ZNF385D: variants seen among roughly 807,000 people sequenced by gnomAD.
ZNF385D encodes zinc finger protein 385D, also known as zinc finger protein 659.
ZNF385D carries 15 observed loss-of-function variants against 35.8 expected under a neutral mutation model. That is an observed-to-expected ratio of 0.42 (90% CI 0.28 to 0.64). The LOEUF is 0.64. ZNF385D is among the 30% of genes least tolerant of loss of function. The pLI is 0.23. For missense variants in ZNF385D, 474 were observed against 494.6 expected, an observed-to-expected ratio of 0.96 and a Z score of 0.39; for synonymous variants, 212 against 186.8, an observed-to-expected ratio of 1.13 and a Z score of -1.10.
chr3:22,120,974 C>G (rs1460780067), intron 3 of ZNF385D, among the ~76,000 whole-genome samples: 1 of 152,102 alleles, frequency 6.6e-6, no homozygotes. Flanking sequence ...TCTGACTAGA[C>G]CATATTCAAC....
intron 3 of ZNF385D, among the ~76,000 whole-genome samples, chr3:21,904,109 C>A (rs757257583): frequency 6.6e-6 from 1 of 151,766 alleles, no homozygotes; most frequent in Admixed American, 6.6e-5. Flanking sequence ...TTGAGACCAT[C>A]CTGGACAACA....
rs376669808 is a variant in ZNF385D at position 21,922,911 on chromosome 3, T to C, written c.325+245906A>G. On this transcript the variant is annotated intron_variant, in intron 3 of 5. Transcript: ENST00000494108. ...TGACCAAGGTCTAATATGGAATCTA[T>C]AGGGAACTTCAATAGCTGAACAAAC... 3.3e-5 allele frequency among the ~76,000 whole-genome samples: 5 copies of C among 152,172 alleles called. 1 individual carries two copies. The highest frequency in any genetic ancestry group is 4.1e-4 in the South Asian group (2 of 4,836).
At chr3:22,139,831 G>A (rs1704387296) in intron 3 of ZNF385D, among the ~76,000 whole-genome samples, 1 of 152,100 alleles carries the variant, frequency 6.6e-6, no homozygotes, top group South Asian at 2.1e-4. Flanking sequence ...CAAAACACAT[G>A]AGAAGATAAG....
chr3:22,353,229 CT>C (rs1695997927), intron 2 of ZNF385D, among the ~76,000 whole-genome samples: 1 of 152,000 alleles, frequency 6.6e-6, no homozygotes, highest in Admixed American at 6.6e-5. Context: ...GTAGGTCCCC[CT>C]ATTAGAAAAA....
chr3:21,466,264 T>C (rs143903105), intron 4 of ZNF385D, among the ~76,000 whole-genome samples: 1 of 152,314 alleles, frequency 6.6e-6, no homozygotes, highest in African/African-American at 2.4e-5. Flanking sequence ...AAGGGTTTGG[T>C]TCCTGCTTAA....
At chr3:22,019,799 C>T (rs910340327) in intron 3 of ZNF385D, among the ~76,000 whole-genome samples, 10 of 151,476 alleles carry the variant, frequency 6.6e-5, no homozygotes, top group Non-Finnish European at 1.3e-4. Flanking sequence ...AATGTGGGGC[C>T]CTTATTTGAA....
chr3:21,506,644 GC>G (rs1706795157), intron 4 of ZNF385D, among the ~76,000 whole-genome samples: 1 of 152,060 alleles, frequency 6.6e-6, no homozygotes, highest in Non-Finnish European at 1.5e-5. Flanking sequence ...AAAAACACTT[GC>G]TAGATTAGAC....
chr3:21,746,360 T>C (rs779736089), intron 1 of ZNF385D, among the ~76,000 whole-genome samples: 11 of 152,232 alleles, frequency 7.2e-5, no homozygotes, highest in Admixed American at 2.6e-4. Flanking sequence ...TCCATGTCAC[T>C]GGCATGTTGA....
At chr3:21,924,537 G>A (rs1247938401) in intron 3 of ZNF385D, among the ~76,000 whole-genome samples, 2 of 152,158 alleles carry the variant, frequency 1.3e-5, no homozygotes, top group African/African-American at 4.8e-5. Context: ...CACCATCCAT[G>A]CCACAAAAGG....
intron 3 of ZNF385D, among the ~76,000 whole-genome samples, chr3:21,761,516 TC>T (rs1002465642): frequency 6.6e-6 from 1 of 152,192 alleles, no homozygotes; most frequent in Non-Finnish European, 1.5e-5. Flanking sequence ...GGGGCTTGTT[TC>T]CTTACCCATG....
At chr3:22,367,387 G>A (rs1696703885) in intron 2 of ZNF385D, among the ~76,000 whole-genome samples, 1 of 152,080 alleles carries the variant, frequency 6.6e-6, no homozygotes, top group African/African-American at 2.4e-5. Context: ...CTAAATAACT[G>A]TTTTTCTCTA....
chr3:21,875,076 T>C (rs540780394), intron 3 of ZNF385D, among the ~76,000 whole-genome samples: 4 of 152,074 alleles, frequency 2.6e-5, no homozygotes, highest in African/African-American at 9.6e-5. Context: ...GAAACACAAC[T>C]GATTTTTGTA....
chr3:22,313,452 G>T (rs11917977), intron 2 of ZNF385D, among the ~76,000 whole-genome samples: 9,179 of 151,832 alleles, frequency 0.06, 688 homozygotes, highest in African/African-American at 0.18. Flanking sequence ...AATACAACAT[G>T]GACTGTAGAA....
chr3:21,777,730 C>A (rs778507116), intron 3 of ZNF385D: 1 of 151,898 alleles, frequency 6.6e-6, no homozygotes, highest in Non-Finnish European at 1.5e-5. Context: ...ATTTCAACTA[C>A]TGCCTTATTT....
intron 3 of ZNF385D, among the ~76,000 whole-genome samples, chr3:22,116,064 A>G (rs1702794905): frequency 6.6e-6 from 1 of 152,082 alleles, no homozygotes; most frequent in South Asian, 2.1e-4. Flanking sequence ...AAAAAGTTCA[A>G]GCTTTGGAAA....
At chr3:22,098,233 T>C (rs1264301082) in intron 3 of ZNF385D, among the ~76,000 whole-genome samples, 1 of 152,050 alleles carries the variant, frequency 6.6e-6, no homozygotes, top group Non-Finnish European at 1.5e-5. Context: ...GACAAAAATA[T>C]GTATCCATAG....
chr3:21,468,202 A>G (rs1462278407), intron 4 of ZNF385D, among the ~76,000 whole-genome samples: 3 of 151,852 alleles, frequency 2.0e-5, no homozygotes, highest in Admixed American at 1.3e-4. Context: ...CAGAAGTTTG[A>G]GATGAGCCTG....
At chr3:22,360,766 A>G (rs1242567144) in intron 2 of ZNF385D, among the ~76,000 whole-genome samples, 1 of 151,984 alleles carries the variant, frequency 6.6e-6, no homozygotes. Context: ...AAACCAAGAA[A>G]CAACGCTTCA....
chr3:21,772,241 A>T (rs990267593), intron 3 of ZNF385D, among the ~76,000 whole-genome samples: 3 of 151,936 alleles, frequency 2.0e-5, no homozygotes, highest in South Asian at 2.1e-4. Flanking sequence ...CTTTATAAAA[A>T]TTTTTTAAAA....
Sources: gnomAD v4.1 joint callset for allele counts (sites outside exome capture counted in the v4.1 genomes callset) on GRCh38, gnomAD v4.1.1 for gene constraint, MANE v1.5 for transcripts, NCBI Gene and HGNC (gene_info 2026-07-23, HGNC 2026-07-21) for gene names.